The following SFXN3 variants were observed in gnomAD, a reference collection of about 807,000 sequenced individuals.
SFXN3 encodes sideroflexin 3.
SFXN3 carries 31 observed loss-of-function variants against 40.4 expected under a neutral mutation model. The ratio of observed to expected loss-of-function variants is 0.77; its 90% CI spans 0.58 to 1.04. The LOEUF (loss-of-function observed/expected upper bound fraction) is 1.04. Ranked by LOEUF, SFXN3 falls within the 50% of genes least tolerant of loss-of-function variation. The pLI, the probability that SFXN3 is intolerant of heterozygous loss-of-function variation, is 0.00. For missense variants in SFXN3, 366 were observed against 408.2 expected (o/e 0.90, Z 0.89); for synonymous variants, 157 against 160.0 (o/e 0.98, Z 0.14).
chr10:101,035,609 A>G, exon 4 of SFXN3: 1 of 1,614,120 alleles, frequency 6.2e-7, no homozygotes. Context: ...GATTGGCCGC[A>G]TGTCAGCCCA....
exon 3 of SFXN3, chr10:101,034,802 G>T (rs757440196): frequency 5.6e-6 from 9 of 1,614,180 alleles, no homozygotes; most frequent in Non-Finnish European, 6.8e-6. Context: ...CTCGAAATCT[G>T]CTGCTGTCCG....
At chr10:101,032,393 A>T in exon 2 of SFXN3, 90 of 1,268,394 alleles carry the variant, frequency 7.1e-5, no homozygotes, top group Middle Eastern at 2.1e-4. Context: ...GTCACGCGTG[A>T]CGTCCCGCGT....
chr10:101,039,384 G>C lies in SFXN3; in HGVS notation c.870-105G>C. Reference sequence around the variant, plus strand: ...CAGTGAGCCAGTCCTTCTGGCAGTAGAAGGAGAGGATTTTTCAGCCTGGGA... The same window carrying C: ...CAGTGAGCCAGTCCTTCTGGCAGTACAAGGAGAGGATTTTTCAGCCTGGGA... On this transcript the variant is annotated intron_variant, in intron 11 of 11. Coordinates refer to ENST00000393459, the Ensembl canonical transcript of SFXN3. This position sits in a 1 kb window ranked among gnomAD's most constrained non-coding sequence, Gnocchi z 4.6. 1 of 1,254,568 alleles carries C rather than the reference G, an allele frequency of 8.0e-7. No individual in the cohort carries two copies. Among genetic ancestry groups the C allele is most frequent in the Non-Finnish European group, 1.2e-6 (1 of 856,860 alleles). The allele number at this position is 1,254,568 out of a possible 1,614,324, so 77.7% of individuals were successfully genotyped here. A position where few individuals can be genotyped will look rare whatever the true frequency, so the allele number is the denominator to read the frequency against.
chr10:101,040,556 G>A (rs1938849124), exon 12 of SFXN3: 1 of 151,184 alleles, frequency 6.6e-6, no homozygotes, highest in Admixed American at 6.6e-5. Context: ...AATGTACAAT[G>A]TTAAGACAGG....
intron 2 of SFXN3, 129 bp downstream of exon 2, chr10:101,032,611 C>A: frequency 9.3e-7 from 1 of 1,080,858 alleles, no homozygotes; most frequent in East Asian, 3.2e-5. Flanking sequence ...CCACAGGGCA[C>A]AAGGGAGGTT....
At chr10:101,035,979 A>G in intron 4 of SFXN3, 24 bp from the exon 5 acceptor site, 2 of 1,597,036 alleles carry the variant, frequency 1.3e-6, no homozygotes, top group Non-Finnish European at 1.7e-6. Context: ...GACGGGGCAG[A>G]AGTGAGTGTC....
At position 101,032,462 on chromosome 10, in the gene SFXN3, C is replaced by CT. The variant is rs752364982; in HGVS notation, c.-22dup. On this transcript the variant is annotated 5_prime_UTR_variant, in exon 2 of 12. Coordinates refer to ENST00000393459, the Ensembl canonical transcript of SFXN3. Reference sequence around the variant, plus strand: ...GCAGAGAGGAAGGCGGTTCTGAGAGCTTCAGAGAGCGATGGAAAGCGTAAG... The same window carrying CT: ...GCAGAGAGGAAGGCGGTTCTGAGAGCTTTCAGAGAGCGATGGAAAGCGTAAG... 4 of 1,547,132 alleles carry CT rather than the reference C, an allele frequency of 2.6e-6. No homozygotes were observed. In the Admixed American group the frequency reaches 7.9e-5, roughly 31 times the overall value.
In SFXN3 at chr10:101,035,320, C is replaced by T. The variant is rs79203113; in HGVS notation, c.162-177C>T. On this transcript the variant is annotated intron_variant, in intron 3 of 11. Transcript: ENST00000393459. The stretch of plus-strand genomic sequence containing the variant: ...GCTATAAGGGAAATAGAAATAGGAG[C>T]CTCCACTTCTGGGAAACTTTGGCCC... Among the ~76,000 whole-genome samples, 2,319 of 152,324 alleles carry T rather than the reference C, an allele frequency of 0.015. 126 individuals are homozygous for T. In the East Asian group the frequency reaches 0.2, roughly 13 times the overall value.
At chr10:101,035,392 G>A in intron 3 of SFXN3, 105 bp from the exon 4 acceptor site, 2 of 1,351,778 alleles carry the variant, frequency 1.5e-6, no homozygotes, top group Middle Eastern at 2.8e-4. Flanking sequence ...GGGGGCTGAA[G>A]TTCCTGGTTC....
chr10:101,034,668 C>G (rs1398105720), intron 2 of SFXN3, 24 bp from the exon 3 acceptor site: 3 of 1,612,620 alleles, frequency 1.9e-6, no homozygotes. Context: ...GACTCCCGCT[C>G]TGACCCTTAT....
intron 2 of SFXN3, 54 bp from the exon 3 acceptor site, chr10:101,034,638 C>G: frequency 6.3e-7 from 1 of 1,588,874 alleles, no homozygotes; most frequent in Non-Finnish European, 8.6e-7. Context: ...TTTCCCCTAG[C>G]TGGAGCCCTT....
chr10:101,031,808 A>C (rs920472027), intron 1 of SFXN3, among the ~76,000 whole-genome samples: 33 of 152,178 alleles, frequency 2.2e-4, no homozygotes, highest in Admixed American at 7.8e-4. Flanking sequence ...GACCAGGGAC[A>C]CAGTGGAGCT....
At chr10:101,032,451 G>A in exon 2 of SFXN3, 1 of 1,543,700 alleles carries the variant, frequency 6.5e-7, no homozygotes. Flanking sequence ...AGAGGAAGGC[G>A]GTTCTGAGAG....
Position 101,039,467 on chromosome 10 carries a change from G to A in SFXN3, c.870-22G>A, listed in dbSNP as rs779665701. The A allele has an allele frequency of 2.8e-5, 45 of 1,609,510 alleles. No individual in the cohort carries two copies. The East Asian group carries it at 1.0e-3, about 36-fold the overall frequency. On this transcript the variant is annotated intron_variant, in intron 11 of 11. Transcript: ENST00000393459. The surrounding 1 kb of genome is among the most constrained non-coding windows in gnomAD (Gnocchi z 4.6). ...GGGTTGGATTCAGGGGACGTTAACTGGCCTGTGCTGTTCTATTGCAGCTCC... is the reference window on the plus strand; with the variant it reads ...GGGTTGGATTCAGGGGACGTTAACTAGCCTGTGCTGTTCTATTGCAGCTCC...
At chr10:101,040,603 A>AGG (rs1938853938) in exon 12 of SFXN3, 1 of 148,374 alleles carries the variant, frequency 6.7e-6, no homozygotes, top group Non-Finnish European at 1.5e-5. Context: ...TTTTTTTTTT[A>AGG]ATGGAGTTTC....
chr10:101,035,905 C>T (rs932439238), intron 4 of SFXN3, 98 bp from the exon 5 acceptor site: 1 of 1,274,146 alleles, frequency 7.8e-7, no homozygotes, highest in Non-Finnish European at 1.1e-6. Flanking sequence ...AACTGGGTCC[C>T]TTCTTAGGCT....
chr10:101,037,601 G>C (rs1409914198), intron 9 of SFXN3, 170 bp downstream of exon 9: 2 of 1,501,194 alleles, frequency 1.3e-6, no homozygotes, highest in East Asian at 4.8e-5. Flanking sequence ...AACTGGGCTG[G>C]GGTGAAGGAA....
intron 9 of SFXN3, 31 bp from the exon 10 acceptor site, chr10:101,038,612 G>A (rs1468481670): frequency 6.2e-7 from 1 of 1,613,918 alleles, no homozygotes; most frequent in East Asian, 2.2e-5. Flanking sequence ...GGGGACACAA[G>A]CCGTTCCATT....
chr10:101,032,400 G>T (rs1293623274), exon 2 of SFXN3: 3 of 1,372,234 alleles, frequency 2.2e-6, no homozygotes, highest in Non-Finnish European at 2.9e-6. Context: ...GTGACGTCCC[G>T]CGTGATGGCT....
Sources: allele counts gnomAD v4.1 joint callset (sites outside exome capture counted in the v4.1 genomes callset), GRCh38; gene constraint gnomAD v4.1.1; non-coding constraint Gnocchi (gnomAD v3.1); transcripts MANE v1.5; gene names NCBI Gene and HGNC (gene_info 2026-07-23, HGNC 2026-07-21).